The following C8orf34 variants were observed in gnomAD, a reference collection of about 807,000 sequenced individuals.
C8orf34 encodes the protein chromosome 8 open reading frame 34.
A neutral mutation model predicts 68.3 loss-of-function variants in C8orf34; 65 were observed. The observed-to-expected ratio is 0.95, with a 90% CI of 0.78 to 1.17. The LOEUF is 1.17. C8orf34 is among the 50% of genes most tolerant of loss of function. The pLI is 0.00. For missense variants in C8orf34, 664 were observed against 655.4 expected (o/e 1.01, Z -0.14); for synonymous variants, 244 against 241.2 (o/e 1.01, Z -0.11).
chr8:68,655,430 CCTAA>C (rs1431981230), intron 8 of C8orf34, among the ~76,000 whole-genome samples: 3 of 152,038 alleles, frequency 2.0e-5, no homozygotes, highest in African/African-American at 7.2e-5. Context: ...AAAGAAGTTC[CCTAA>C]CTTACGATGG....
rs1813280087 is a variant in C8orf34, at chr8:68,490,816, C to T, written c.765+2765C>T. Among the ~76,000 whole-genome samples, 3 of 152,102 alleles carry T rather than the reference C, an allele frequency of 2.0e-5. No individual in the cohort carries two copies. The South Asian group carries it at 6.2e-4, about 32-fold the overall frequency. Reference sequence around the variant, plus strand: ...CACCATTCTTTGCCTGTCTGGCAGTCACCCTTGGAGGAGCAGGAGAGCCTG... The same window carrying T: ...CACCATTCTTTGCCTGTCTGGCAGTTACCCTTGGAGGAGCAGGAGAGCCTG... On this transcript the variant is annotated intron_variant, in intron 5 of 13. Transcript: ENST00000518698.
chr8:68,743,531 G>A (rs973434172), intron 10 of C8orf34, among the ~76,000 whole-genome samples: 12 of 152,170 alleles, frequency 7.9e-5, no homozygotes, highest in African/African-American at 2.7e-4. Flanking sequence ...TGCGCACACC[G>A]TGCGCAAGCC....
chr8:68,392,356 C>T (rs983587570), intron 1 of C8orf34, among the ~76,000 whole-genome samples: 5 of 151,776 alleles, frequency 3.3e-5, no homozygotes, highest in Non-Finnish European at 7.4e-5. Context: ...TATCAAGTTC[C>T]TGTATTTACT....
intron 8 of C8orf34, among the ~76,000 whole-genome samples, chr8:68,697,240 GCT>G (rs1013695359): frequency 5.3e-5 from 8 of 151,940 alleles, no homozygotes; most frequent in African/African-American, 1.9e-4. Flanking sequence ...TAATTTGTAA[GCT>G]ATATAGCTTA....
At chr8:68,545,213 A>G (rs1215760178) in intron 7 of C8orf34, among the ~76,000 whole-genome samples, 1 of 152,098 alleles carries the variant, frequency 6.6e-6, no homozygotes, top group Admixed American at 6.6e-5. Flanking sequence ...GGTAGTGAAT[A>G]AGTCTCATGA....
chr8:68,425,220 T>C (rs1173019676), intron 1 of C8orf34, among the ~76,000 whole-genome samples: 2 of 152,182 alleles, frequency 1.3e-5, no homozygotes, highest in Non-Finnish European at 2.9e-5. Flanking sequence ...TAAGTTTGAG[T>C]TCTAGACAAG....
chr8:68,716,934 G>T (rs1478804757), intron 9 of C8orf34, among the ~76,000 whole-genome samples: 17 of 151,614 alleles, frequency 1.1e-4, no homozygotes, highest in Non-Finnish European at 2.2e-4. Context: ...AATCAGTGAT[G>T]TACAAATACA....
chr8:68,461,488 G>A lies in C8orf34; in HGVS notation c.608-7204G>A, dbSNP rs549181044. 8.6e-5 allele frequency among the ~76,000 whole-genome samples: 13 copies of A among 150,682 alleles called. No homozygotes were observed. The East Asian group carries it at 2.5e-3, about 29-fold the overall frequency. ...AAGAGCAACTCCAAGACATATAATT[G>A]TCAGATTCACCAAAGTTGAAATGAA... On this transcript the variant is annotated intron_variant, in intron 3 of 13. Coordinates refer to ENST00000518698, the MANE Select transcript of C8orf34 (RefSeq NM_052958.4).
chr8:68,810,652 A>C (rs1404496272), intron 12 of C8orf34, among the ~76,000 whole-genome samples: 1 of 152,094 alleles, frequency 6.6e-6, no homozygotes, highest in Non-Finnish European at 1.5e-5. Context: ...ATACAACTGG[A>C]GGGTGAGTAA....
intron 3 of C8orf34, among the ~76,000 whole-genome samples, chr8:68,455,250 G>A (rs1482049039): frequency 6.6e-6 from 1 of 152,020 alleles, no homozygotes; most frequent in Non-Finnish European, 1.5e-5. Context: ...ACATCTGTTA[G>A]GTCTTACTGG....
intron 7 of C8orf34, chr8:68,533,712 T>C (rs1234712302): frequency 3.2e-6 from 3 of 950,704 alleles, no homozygotes; most frequent in African/African-American, 1.8e-5. Flanking sequence ...ATGTAGGATA[T>C]CTTTTTATAT....
intron 12 of C8orf34, among the ~76,000 whole-genome samples, chr8:68,798,551 C>G (rs1478127418): frequency 6.6e-5 from 10 of 152,050 alleles, no homozygotes; most frequent in African/African-American, 2.4e-4. Context: ...ATGCTACTAT[C>G]ATAAATATTT....
chr8:68,535,686 T>C, intron 7 of C8orf34: 1 of 776,778 alleles, frequency 1.3e-6, no homozygotes, highest in Non-Finnish European at 1.6e-6. Flanking sequence ...CATATGAAAA[T>C]ATTATAGTAC....
At chr8:68,766,878 T>C (rs1241889254) in intron 10 of C8orf34, among the ~76,000 whole-genome samples, 1 of 152,174 alleles carries the variant, frequency 6.6e-6, no homozygotes, top group African/African-American at 2.4e-5. Flanking sequence ...AGAACACCAC[T>C]GATGCCAAGA....
chr8:68,702,275 C>T (rs550805365), intron 8 of C8orf34, among the ~76,000 whole-genome samples: 41 of 152,146 alleles, frequency 2.7e-4, no homozygotes, highest in African/African-American at 9.6e-4. Context: ...ATCGCAAAAG[C>T]TCCCCAAATA....
chr8:68,387,314 T>A (rs1743679919), intron 1 of C8orf34, among the ~76,000 whole-genome samples: 1 of 152,054 alleles, frequency 6.6e-6, no homozygotes, highest in Non-Finnish European at 1.5e-5. Context: ...GTGGGGTGAC[T>A]GGGATGTGTA....
At chr8:68,384,348 CA>C (rs1808165978) in intron 1 of C8orf34, among the ~76,000 whole-genome samples, 1 of 152,150 alleles carries the variant, frequency 6.6e-6, no homozygotes, top group African/African-American at 2.4e-5. Context: ...TTGCTGTTTG[CA>C]TCACTTCTTG....
intron 7 of C8orf34, among the ~76,000 whole-genome samples, chr8:68,582,435 G>A (rs1563543388): frequency 6.6e-6 from 1 of 152,168 alleles, no homozygotes; most frequent in Non-Finnish European, 1.5e-5. Flanking sequence ...AGACAGAAAT[G>A]TGGGGAAGGT....
chr8:68,446,571 C>A, intron 3 of C8orf34, 111 bp downstream of exon 3: 2 of 1,164,496 alleles, frequency 1.7e-6, no homozygotes, highest in South Asian at 1.6e-5. Context: ...TATTTCTGGC[C>A]TTTAATCTTA....
Sources: gnomAD v4.1 joint callset for allele counts (sites outside exome capture counted in the v4.1 genomes callset) on GRCh38, gnomAD v4.1.1 for gene constraint, MANE v1.5 for transcripts, NCBI Gene and HGNC (gene_info 2026-07-23, HGNC 2026-07-21) for gene names.